The following TOX variants were observed in gnomAD, a reference collection of about 807,000 sequenced individuals.
The protein encoded by TOX is thymocyte selection associated high mobility group box.
TOX carries 11 observed loss-of-function variants against 53.7 expected under a neutral mutation model. The ratio of observed to expected loss-of-function variants is 0.20; its 90% CI spans 0.13 to 0.34. TOX has a LOEUF of 0.34. Among genes scored for constraint, TOX ranks in the 10% least tolerant of loss-of-function variants. The pLI, the probability that TOX is intolerant of heterozygous loss-of-function variation, is 1.00. For missense variants in TOX, 570 were observed against 664.6 expected (o/e 0.86, Z 1.56); for synonymous variants, 225 against 245.3 (o/e 0.92, Z 0.77).
intron 1 of TOX, among the ~76,000 whole-genome samples, chr8:59,090,788 C>A (rs1363248369): frequency 6.6e-6 from 1 of 152,192 alleles, no homozygotes; most frequent in African/African-American, 2.4e-5. Flanking sequence ...TAGGATTCCA[C>A]CTCCTAGTGT....
At chr8:59,069,181 T>C (rs1339370685) in intron 1 of TOX, among the ~76,000 whole-genome samples, 1 of 152,016 alleles carries the variant, frequency 6.6e-6, no homozygotes, top group Non-Finnish European at 1.5e-5. Flanking sequence ...CGAGGGGAAG[T>C]GTTGAAGGAT....
chr8:58,986,984 G>C (rs528993478), intron 1 of TOX, among the ~76,000 whole-genome samples: 2 of 152,142 alleles, frequency 1.3e-5, no homozygotes, highest in African/African-American at 4.8e-5. Flanking sequence ...AATTAGAAAC[G>C]CCTAGTCTGA....
chr8:59,003,282 G>A (rs1368998707), intron 1 of TOX, among the ~76,000 whole-genome samples: 2 of 152,148 alleles, frequency 1.3e-5, no homozygotes, highest in African/African-American at 2.4e-5. Context: ...AGTTACTTAT[G>A]TATGAGTTAT....
chr8:59,029,655 T>C (rs1011163616), intron 1 of TOX, among the ~76,000 whole-genome samples: 2 of 152,130 alleles, frequency 1.3e-5, no homozygotes, highest in African/African-American at 4.8e-5. Context: ...TAAAATGTGG[T>C]AGCAATTTTC....
At chr8:58,849,787 AT>A (rs1055929540) in intron 4 of TOX, among the ~76,000 whole-genome samples, 1 of 152,176 alleles carries the variant, frequency 6.6e-6, no homozygotes, top group African/African-American at 2.4e-5. Flanking sequence ...CAGAACATTA[AT>A]TTTTTTCGCC....
At chr8:58,887,594 T>C (rs1237822755) in intron 3 of TOX, among the ~76,000 whole-genome samples, 1 of 152,018 alleles carries the variant, frequency 6.6e-6, no homozygotes, top group Non-Finnish European at 1.5e-5. Flanking sequence ...TATAATTGTG[T>C]TTATTTTATA....
intron 5 of TOX, among the ~76,000 whole-genome samples, chr8:58,836,155 TG>T (rs767320001): frequency 6.6e-6 from 1 of 152,088 alleles, no homozygotes; most frequent in Admixed American, 6.5e-5. Flanking sequence ...TGTGGCGTCA[TG>T]GGTGGAGCAG....
chr8:58,911,047 CT>C (rs1554529208), intron 3 of TOX, among the ~76,000 whole-genome samples: 5 of 151,426 alleles, frequency 3.3e-5, no homozygotes, highest in African/African-American at 1.2e-4. Flanking sequence ...TTAGTTCTCT[CT>C]TTTTTTTTCC....
intron 2 of TOX, among the ~76,000 whole-genome samples, chr8:58,957,079 T>C (rs996651380): frequency 1.3e-5 from 2 of 152,226 alleles, no homozygotes; most frequent in Non-Finnish European, 2.9e-5. Context: ...CAGCTGCTCA[T>C]CTGGCTTCCT....
chr8:58,846,118 A>G (rs1318906532), intron 4 of TOX, among the ~76,000 whole-genome samples: 1 of 152,140 alleles, frequency 6.6e-6, no homozygotes, highest in Non-Finnish European at 1.5e-5. Flanking sequence ...ATTTACTTGA[A>G]TAAATTTTAG....
intron 1 of TOX, among the ~76,000 whole-genome samples, chr8:59,044,372 G>A (rs577781377): frequency 6.6e-6 from 1 of 152,210 alleles, no homozygotes; most frequent in Admixed American, 6.5e-5. Flanking sequence ...AGTTGACTGT[G>A]GTAGCTTGCT....
At chr8:58,962,563 T>C (rs1812819179) in intron 1 of TOX, among the ~76,000 whole-genome samples, 1 of 152,212 alleles carries the variant, frequency 6.6e-6, no homozygotes, top group Admixed American at 6.5e-5. Flanking sequence ...AGCATATCAA[T>C]ATATTCTGAA....
rs1804987671 is a variant in TOX, at chr8:59,110,146, A to G, written c.102+8740T>C. On this transcript the variant is annotated intron_variant, in intron 1 of 8. Coordinates refer to ENST00000361421, the MANE Select transcript of TOX (RefSeq NM_014729.3). ...ACATAGCTCTGAGAGTCCATTATGAACAGTCTTTTATGCCCTGGCAGGAAG... is the reference window on the plus strand; with the variant it reads ...ACATAGCTCTGAGAGTCCATTATGAGCAGTCTTTTATGCCCTGGCAGGAAG... Among the ~76,000 whole-genome samples, 3 of 152,304 alleles carry G rather than the reference A, an allele frequency of 2.0e-5. No individual in the cohort carries two copies. In the South Asian group the frequency reaches 6.2e-4, roughly 32 times the overall value.
intron 1 of TOX, among the ~76,000 whole-genome samples, chr8:59,052,211 ATT>A (rs1803804254): frequency 1.3e-5 from 2 of 152,232 alleles, no homozygotes; most frequent in Non-Finnish European, 2.9e-5. Flanking sequence ...TCATTATAAC[ATT>A]ATTTTATATG....
rs1354352023 is a variant in TOX at position 59,118,331 on chromosome 8, G to A, written c.102+555C>T. Among the ~76,000 whole-genome samples the A allele has an allele frequency of 6.6e-6, 1 of 152,208 alleles. No individual in the cohort carries two copies. The highest frequency in any genetic ancestry group is 1.5e-5 in the Non-Finnish European group (1 of 68,042). On this transcript the variant is annotated intron_variant, in intron 1 of 8. Coordinates refer to ENST00000361421, the MANE Select transcript of TOX (RefSeq NM_014729.3). The surrounding 1 kb of genome is among the most constrained non-coding windows in gnomAD (Gnocchi z 4.1). ...TGTCCGAACCCGGGCTCGGCTGCCG[G>A]AACCGGTTTGAGAAAACAAAAGAGT... is the stretch of plus-strand genomic sequence containing the variant.
intron 1 of TOX, among the ~76,000 whole-genome samples, chr8:59,047,150 A>G (rs1430309355): frequency 6.7e-6 from 1 of 150,026 alleles, no homozygotes; most frequent in Non-Finnish European, 1.5e-5. Context: ...CTCACTGTGC[A>G]AACTAATTAC....
rs184587601 is a variant in TOX at position 59,087,409 on chromosome 8, A to G, written c.102+31477T>C. On this transcript the variant is annotated intron_variant, in intron 1 of 8. Transcript: ENST00000361421. ...AATATAGCTAATCAATTTCACTGTT[A>G]ATTTTTTAATACCTAACTTGAAATC... Among the ~76,000 whole-genome samples, 12 of 152,296 alleles carry G rather than the reference A, an allele frequency of 7.9e-5. No individual in the cohort carries two copies. The East Asian group carries it at 2.3e-3, about 29-fold the overall frequency.
intron 5 of TOX, among the ~76,000 whole-genome samples, chr8:58,830,701 C>T (rs1810439217): frequency 6.6e-6 from 1 of 152,038 alleles, no homozygotes; most frequent in Non-Finnish European, 1.5e-5. Flanking sequence ...AATCTCTAGT[C>T]ATAGTTTATT....
intron 3 of TOX, among the ~76,000 whole-genome samples, chr8:58,891,176 G>A (rs34237246): frequency 6.6e-6 from 1 of 152,040 alleles, no homozygotes; most frequent in Non-Finnish European, 1.5e-5. Context: ...TAGGAACAGC[G>A]CTGAGTTGTC....
Sources: allele counts gnomAD v4.1 joint callset (sites outside exome capture counted in the v4.1 genomes callset), GRCh38; gene constraint gnomAD v4.1.1; non-coding constraint Gnocchi (gnomAD v3.1); transcripts MANE v1.5; gene names NCBI Gene and HGNC (gene_info 2026-07-23, HGNC 2026-07-21).